NRXN3: variants seen among roughly 807,000 people sequenced by gnomAD.
The protein encoded by NRXN3 is neurexin 3.
A neutral mutation model predicts 137.6 loss-of-function variants in NRXN3; 32 were observed. The ratio of observed to expected loss-of-function variants is 0.23; its 90% CI spans 0.18 to 0.31. NRXN3 has a LOEUF of 0.31. Among genes scored for constraint, NRXN3 ranks in the 10% least tolerant of loss-of-function variants. The pLI is 1.00. For synonymous variants in NRXN3, 798 were observed against 784.5 expected (o/e 1.02, Z -0.29); for missense variants, 1,574 against 2,062.5 (o/e 0.76, Z 4.59).
intron 6 of NRXN3, among the ~76,000 whole-genome samples, chr14:78,653,476 G>A (rs183996005): frequency 6.6e-6 from 1 of 152,186 alleles, no homozygotes; most frequent in Admixed American, 6.5e-5. Context: ...TCCTGAGCAT[G>A]GAGTCTCTCC....
intron 16 of NRXN3, among the ~76,000 whole-genome samples, chr14:79,644,232 A>T (rs1219739903): frequency 1.5e-5 from 2 of 136,132 alleles, no homozygotes; most frequent in African/African-American, 2.4e-5. Context: ...AATTTCTTTC[A>T]TAAATATTAC....
intron 17 of NRXN3, among the ~76,000 whole-genome samples, chr14:79,665,264 C>T (rs1404572494): frequency 6.6e-6 from 1 of 152,122 alleles, no homozygotes; most frequent in African/African-American, 2.4e-5. Flanking sequence ...AGGCAAAAAG[C>T]TCCACCCACT....
intron 1 of NRXN3, among the ~76,000 whole-genome samples, chr14:78,210,684 C>G (rs2062657208): frequency 1.3e-5 from 2 of 151,714 alleles, no homozygotes; most frequent in South Asian, 4.2e-4. Context: ...GCTGTCCCCA[C>G]CCCTGGCCCC....
chr14:78,585,165 G>A (rs1239502161), intron 4 of NRXN3, among the ~76,000 whole-genome samples: 1 of 151,514 alleles, frequency 6.6e-6, no homozygotes, highest in Non-Finnish European at 1.5e-5. Flanking sequence ...AATTTATGTA[G>A]ACATTCAGGA....
intron 4 of NRXN3, among the ~76,000 whole-genome samples, chr14:78,532,376 TG>T (rs1402688104): frequency 7.4e-4 from 3 of 4,064 alleles, no homozygotes; most frequent in Non-Finnish European, 1.1e-3. Context: ...GATGATATTT[TG>T]TGTGTGTGTG....
intron 8 of NRXN3, among the ~76,000 whole-genome samples, chr14:78,717,220 C>G (rs1195942690): frequency 6.6e-6 from 1 of 152,166 alleles, no homozygotes; most frequent in East Asian, 1.9e-4. Context: ...CAAGGTGTCT[C>G]TGAGCTCACC....
chr14:78,342,754 C>T (rs2082276725), intron 4 of NRXN3, among the ~76,000 whole-genome samples: 1 of 152,132 alleles, frequency 6.6e-6, no homozygotes, highest in African/African-American at 2.4e-5. Flanking sequence ...GCCTCTAGTA[C>T]CCCTTTCCTG....
chr14:79,153,176 G>A (rs2059955876), intron 15 of NRXN3, among the ~76,000 whole-genome samples: 1 of 151,886 alleles, frequency 6.6e-6, no homozygotes, highest in African/African-American at 2.4e-5. Flanking sequence ...CCCAACATGA[G>A]ACCTACCAAC....
intron 4 of NRXN3, among the ~76,000 whole-genome samples, chr14:78,608,824 G>T (rs2097274654): frequency 6.6e-6 from 1 of 152,152 alleles, no homozygotes; most frequent in Admixed American, 6.5e-5. Flanking sequence ...TCAGAGAAGG[G>T]GTATCTGATT....
chr14:79,372,427 T>A (rs537733297), intron 15 of NRXN3, among the ~76,000 whole-genome samples: 1 of 152,258 alleles, frequency 6.6e-6, no homozygotes, highest in East Asian at 1.9e-4. Flanking sequence ...GATTCTATCT[T>A]GCAAGAGCTT....
chr14:79,571,053 G>A (rs189433436), intron 16 of NRXN3, among the ~76,000 whole-genome samples: 30 of 152,252 alleles, frequency 2.0e-4, no homozygotes, highest in Non-Finnish European at 1.0e-4. Context: ...GATTTTTGGG[G>A]CAAGTATTCA....
chr14:78,916,883 T>A (rs1213793737), intron 10 of NRXN3, among the ~76,000 whole-genome samples: 1 of 152,216 alleles, frequency 6.6e-6, no homozygotes, highest in African/African-American at 2.4e-5. Context: ...ACTTTCTTCT[T>A]GGCTTTTAGA....
At chr14:79,094,783 A>G (rs1218620591) in intron 15 of NRXN3, among the ~76,000 whole-genome samples, 1 of 152,170 alleles carries the variant, frequency 6.6e-6, no homozygotes, top group Non-Finnish European at 1.5e-5. Context: ...CTTAGACTCC[A>G]GCAAGCCTTA....
At chr14:78,224,075 G>A (rs1324288856) in intron 1 of NRXN3, among the ~76,000 whole-genome samples, 3 of 151,832 alleles carry the variant, frequency 2.0e-5, no homozygotes, top group East Asian at 3.9e-4. Flanking sequence ...CCACACCATC[G>A]AAAATACAGA....
intron 20 of NRXN3, among the ~76,000 whole-genome samples, chr14:79,819,735 G>T (rs995747425): frequency 6.6e-5 from 10 of 151,666 alleles, no homozygotes; most frequent in Admixed American, 6.6e-4. Context: ...TGCCCCCCTC[G>T]GCCTCCCAAA....
At chr14:79,066,727 AT>A (rs2099681235) in intron 15 of NRXN3, among the ~76,000 whole-genome samples, 1 of 152,120 alleles carries the variant, frequency 6.6e-6, no homozygotes, top group South Asian at 2.1e-4. Context: ...TTCTGTAGTA[AT>A]TGTGAATGGG....
At chr14:78,247,821 G>A (rs1416598014) in intron 2 of NRXN3, among the ~76,000 whole-genome samples, 1 of 152,096 alleles carries the variant, frequency 6.6e-6, no homozygotes. Flanking sequence ...AAACATTCTT[G>A]GTTATGAATG....
chr14:79,565,018 A>G (rs1036082898), intron 16 of NRXN3, among the ~76,000 whole-genome samples: 2 of 152,102 alleles, frequency 1.3e-5, no homozygotes, highest in Non-Finnish European at 2.9e-5. Context: ...CCTGGGCCAG[A>G]GAAGTCAGGA....
intron 4 of NRXN3, among the ~76,000 whole-genome samples, chr14:78,322,030 C>A (rs74606328): frequency 6.6e-6 from 1 of 152,090 alleles, no homozygotes; most frequent in Admixed American, 6.5e-5. Context: ...ACTCCCATTC[C>A]TTCCAAAATT....
Sources: gnomAD v4.1 joint callset for allele counts (sites outside exome capture counted in the v4.1 genomes callset) on GRCh38, gnomAD v4.1.1 for gene constraint, MANE v1.5 for transcripts, NCBI Gene and HGNC (gene_info 2026-07-23, HGNC 2026-07-21) for gene names.